CNTNAP3: variants seen among roughly 807,000 people sequenced by gnomAD.
CNTNAP3 encodes the protein contactin associated protein family member 3.
CNTNAP3 carries 36 observed loss-of-function variants against 92.1 expected under a neutral mutation model. The observed-to-expected ratio is 0.39, with a 90% CI of 0.30 to 0.52. The LOEUF is 0.52. CNTNAP3 is among the 20% of genes least tolerant of loss of function. The probability of loss-of-function intolerance (pLI) is 0.76; values close to 1 mark genes in which losing one functional copy is unlikely to be tolerated. For synonymous variants in CNTNAP3, 232 were observed against 422.3 expected, an observed-to-expected ratio of 0.55 and a Z score of 5.53; for missense variants, 534 against 1,069.6, an observed-to-expected ratio of 0.50 and a Z score of 6.98.
chr9:39,139,660 T>C (rs1461308572), intron 12 of CNTNAP3: 2 of 152,102 alleles, frequency 1.3e-5, no homozygotes, highest in African/African-American at 4.8e-5. Flanking sequence ...AAGAGCTAGG[T>C]GACAACAAAT....
intron 10 of CNTNAP3, among the ~76,000 whole-genome samples, chr9:39,149,277 A>G (rs1821779952): frequency 6.6e-6 from 1 of 152,180 alleles, no homozygotes; most frequent in Non-Finnish European, 1.5e-5. Context: ...GGTAAAATTC[A>G]TAAGGTGTAT....
chr9:39,102,163 C>T (rs1399962426), intron 17 of CNTNAP3, among the ~76,000 whole-genome samples: 217 of 151,346 alleles, frequency 1.4e-3, no homozygotes, highest in Non-Finnish European at 2.3e-3. Flanking sequence ...GCCTGTAATC[C>T]CAGCTACTCA....
chr9:39,071,458 A>G lies in CNTNAP3; in HGVS notation c.*2432T>C, dbSNP rs1329405363. On this transcript the variant is annotated 3_prime_UTR_variant, in exon 24 of 24. Coordinates refer to ENST00000297668, the MANE Select transcript of CNTNAP3 (RefSeq NM_033655.5). Reference sequence around the variant, plus strand: ...GAACCACTCTATTTTTAATATTAGAATTCTGAAGTTTTTAAGCATCAGAAT... The same window carrying G: ...GAACCACTCTATTTTTAATATTAGAGTTCTGAAGTTTTTAAGCATCAGAAT... Among the ~76,000 whole-genome samples, 2 of 152,050 alleles carry G rather than the reference A, an allele frequency of 1.3e-5. No individual in the cohort carries two copies. The highest frequency in any genetic ancestry group is 4.2e-4 in the South Asian group (2 of 4,808).
chr9:39,148,421 G>T (rs1159020779), intron 10 of CNTNAP3, among the ~76,000 whole-genome samples: 1 of 151,974 alleles, frequency 6.6e-6, no homozygotes, highest in Admixed American at 6.6e-5. Context: ...AACCTGTTTA[G>T]CCAGAGAGGA....
chr9:39,112,594 G>C (rs1820734244), intron 14 of CNTNAP3, among the ~76,000 whole-genome samples: 1 of 152,126 alleles, frequency 6.6e-6, no homozygotes, highest in Non-Finnish European at 1.5e-5. Context: ...TCGAACTCCT[G>C]ACTTCATGAT....
In CNTNAP3 at chr9:39,238,018, C is replaced by T. The variant is rs1376459242; in HGVS notation, c.390+975G>A. Among the ~76,000 whole-genome samples the T allele has an allele frequency of 5.1e-3, 9 of 1,772 alleles. 3 individuals are homozygous for T. Among genetic ancestry groups the T allele is most frequent in the Non-Finnish European group, 0.059 (2 of 34 alleles). 1.2% of individuals were successfully genotyped at this position (1,772 alleles called of 152,430 possible). ...GGCTGGAGTGCAATGGTGCGATCTC[C>T]GCTCACTGCAATCTCTGCCTCCCGG... On this transcript the variant is annotated intron_variant, in intron 3 of 23. Transcript: ENST00000297668.
intron 14 of CNTNAP3, among the ~76,000 whole-genome samples, chr9:39,113,078 G>T (rs573696049): frequency 6.6e-6 from 1 of 151,940 alleles, no homozygotes; most frequent in Non-Finnish European, 1.5e-5. Context: ...GTTATGGGGG[G>T]GCTGTCCTGT....
Position 39,174,321 on chromosome 9 carries a change from T to C in CNTNAP3, c.1071+1628A>G, listed in dbSNP as rs548444209. ...TCATGTATCTTGATGGTATTTTTCA[T>C]TTTTATGATCTCAGCAGGGTGCTGT... On this transcript the variant is annotated intron_variant, in intron 7 of 23. Transcript: ENST00000297668. 3.2e-3 allele frequency: 1,336 copies of C among 423,154 alleles called. 45 individuals are homozygous for C. The South Asian group carries it at 0.032, about 10-fold the overall frequency. 26.2% of individuals were successfully genotyped at this position (423,154 alleles called of 1,614,324 possible).
chr9:39,102,402 T>A (rs1192689358), intron 17 of CNTNAP3, 95 bp downstream of exon 17: 4 of 1,561,334 alleles, frequency 2.6e-6, no homozygotes, highest in Non-Finnish European at 2.6e-6. Flanking sequence ...TAGTTGTTGT[T>A]GGCAACTGTT....
chr9:39,152,562 A>C (rs1247758976), intron 9 of CNTNAP3, among the ~76,000 whole-genome samples: 1 of 144,978 alleles, frequency 6.9e-6, no homozygotes, highest in Non-Finnish European at 1.5e-5. Flanking sequence ...AGGATTATTA[A>C]TTCAATAAAT....
Position 39,120,478 on chromosome 9 carries a change from T to C in CNTNAP3, c.2081-2219A>G, listed in dbSNP as rs368628221. Among the ~76,000 whole-genome samples, 715 of 152,278 alleles carry C rather than the reference T, an allele frequency of 4.7e-3. 3 individuals carry two copies. Among genetic ancestry groups the C allele is most frequent in the South Asian group, 0.019 (90 of 4,818 alleles). On this transcript the variant is annotated intron_variant, in intron 13 of 23. Coordinates refer to ENST00000297668, the MANE Select transcript of CNTNAP3 (RefSeq NM_033655.5). The stretch of plus-strand genomic sequence containing the variant: ...TCACGAGGTCAGATCGAAACCATCC[T>C]GGCTAACACGGTGAAACCCCGTCTC...
intron 11 of CNTNAP3, among the ~76,000 whole-genome samples, chr9:39,143,635 A>G (rs575768547): frequency 1.1e-4 from 17 of 152,212 alleles, no homozygotes; most frequent in Non-Finnish European, 2.2e-4. Context: ...TAAGTACTCA[A>G]TACATTAATA....
intron 14 of CNTNAP3, among the ~76,000 whole-genome samples, chr9:39,116,987 AATT>A (rs56028908): frequency 2.7e-5 from 4 of 150,248 alleles, no homozygotes; most frequent in Admixed American, 6.6e-5. Flanking sequence ...TTTATTTATT[AATT>A]ATTATTATTA....
intron 8 of CNTNAP3, among the ~76,000 whole-genome samples, chr9:39,170,439 C>A (rs1181117962): frequency 1.7e-5 from 2 of 121,032 alleles, no homozygotes; most frequent in Non-Finnish European, 3.1e-5. Flanking sequence ...TTTTTTAAAG[C>A]CCCCATTTAG....
chr9:39,092,885 G>T (rs1826239039), intron 18 of CNTNAP3, among the ~76,000 whole-genome samples: 1 of 141,500 alleles, frequency 7.1e-6, no homozygotes, highest in Admixed American at 6.9e-5. Flanking sequence ...TGTAATTTGG[G>T]GCTATATTAT....
Position 39,068,243 on chromosome 9 carries a change from C to CAA in CNTNAP3, c.*5645_*5646dup, listed in dbSNP as rs1198106886. Among the ~76,000 whole-genome samples the CAA allele has an allele frequency of 5.4e-3, 699 of 128,782 alleles. 1 individual carries two copies. Among genetic ancestry groups the CAA allele is most frequent in the African/African-American group, 0.012 (423 of 34,316 alleles). 84.5% of individuals were successfully genotyped at this position (128,782 alleles called of 152,430 possible). On this transcript the variant is annotated 3_prime_UTR_variant, in exon 24 of 24. Transcript: ENST00000297668. Reference sequence around the variant, plus strand: ...TGAAACCTTGCCTCCACTAAAAATACAAAAAAAAAAAAAAAAAAAAAAATT... The same window carrying CAA: ...TGAAACCTTGCCTCCACTAAAAATACAAAAAAAAAAAAAAAAAAAAAAAAATT...
intron 15 of CNTNAP3, among the ~76,000 whole-genome samples, chr9:39,105,284 A>G (rs895819985): frequency 5.9e-5 from 9 of 152,164 alleles, no homozygotes; most frequent in South Asian, 2.1e-4. Context: ...AAAATTAGCC[A>G]GGCATGGTGG....
intron 14 of CNTNAP3, among the ~76,000 whole-genome samples, chr9:39,111,008 T>C (rs1244867941): frequency 6.6e-6 from 1 of 152,168 alleles, no homozygotes; most frequent in Admixed American, 6.5e-5. Context: ...ATTGCAACAC[T>C]TTTGTATTTT....
chr9:39,092,620 G>T (rs942659244), intron 18 of CNTNAP3, among the ~76,000 whole-genome samples: 7 of 136,722 alleles, frequency 5.1e-5, no homozygotes, highest in African/African-American at 1.9e-4. Context: ...ATGTGTTGAG[G>T]CTTGATTTAC....
Sources: gnomAD v4.1 joint callset for allele counts (sites outside exome capture counted in the v4.1 genomes callset) on GRCh38, gnomAD v4.1.1 for gene constraint, MANE v1.5 for transcripts, NCBI Gene and HGNC (gene_info 2026-07-23, HGNC 2026-07-21) for gene names.